Variants in ATP2C2 observed in about 807,000 individuals in gnomAD.
The protein encoded by ATP2C2 is ATPase secretory pathway Ca2+ transporting 2.
ATP2C2 carries 171 observed loss-of-function variants against 110.8 expected under a neutral mutation model. The observed-to-expected ratio is 1.54, with a 90% CI of 1.36 to 1.75. The LOEUF is 1.75. Ranked by LOEUF, ATP2C2 falls within the 40% of genes most tolerant of loss-of-function variation. ATP2C2 has a pLI of 0.00. For synonymous variants in ATP2C2, 804 were observed against 508.4 expected, an observed-to-expected ratio of 1.58 and a Z score of -7.82; for missense variants, 1,963 against 1,235.0, an observed-to-expected ratio of 1.59 and a Z score of -8.84.
In ATP2C2 at chr16:84,422,105, G is replaced by A. The variant is rs139873099; in HGVS notation, c.625-285G>A. 2.8e-3 allele frequency among the ~76,000 whole-genome samples: 427 copies of A among 152,262 alleles called. 2 individuals are homozygous for A. The highest frequency in any genetic ancestry group is 9.8e-3 in the African/African-American group (406 of 41,548). On this transcript the variant is annotated intron_variant, in intron 7 of 26. Transcript: ENST00000262429. ...GGGACTCACACAGGTGTTTTGAAAG[G>A]TATATCCTAAAATAGCCATCACCTT...
At chr16:84,396,932 G>C (rs971880312) in intron 1 of ATP2C2, among the ~76,000 whole-genome samples, 1 of 151,854 alleles carries the variant, frequency 6.6e-6, no homozygotes, top group Non-Finnish European at 1.5e-5. Flanking sequence ...AAGCAAATAG[G>C]CATTTGGGAG....
At chr16:84,412,338 A>ATGCGTGTGTC (rs1165638387) in intron 6 of ATP2C2, among the ~76,000 whole-genome samples, 1 of 115,564 alleles carries the variant, frequency 8.7e-6, no homozygotes, top group African/African-American at 3.3e-5. Context: ...GTGTGTCTGT[A>ATGCGTGTGTC]TGCGTGTGTC....
intron 1 of ATP2C2, among the ~76,000 whole-genome samples, chr16:84,394,945 G>A (rs1465679415): frequency 6.6e-6 from 1 of 152,150 alleles, no homozygotes; most frequent in Non-Finnish European, 1.5e-5. Context: ...TGGTTTTGCA[G>A]AGGCCACAGT....
rs547427873 is a variant in ATP2C2, at chr16:84,423,919, G to C, written c.919+656G>C. 2.6e-4 allele frequency among the ~76,000 whole-genome samples: 40 copies of C among 152,312 alleles called. No homozygotes were observed. In the South Asian group the frequency reaches 7.1e-3, roughly 27 times the overall value. ...ACATGATGCTGCGGTTCTGAATCTA[G>C]ATCTTAAGGCTTGACATCCCCATAG... On this transcript the variant is annotated intron_variant, in intron 10 of 26. Transcript: ENST00000262429.
At chr16:84,390,922 C>T (rs773807668) in intron 1 of ATP2C2, among the ~76,000 whole-genome samples, 16 of 151,798 alleles carry the variant, frequency 1.1e-4, no homozygotes, top group South Asian at 2.1e-4. Context: ...GAGACCAGCC[C>T]GGCCAACATG....
chr16:84,385,589 A>G (rs1904308240), intron 1 of ATP2C2, among the ~76,000 whole-genome samples: 1 of 152,248 alleles, frequency 6.6e-6, no homozygotes, highest in African/African-American at 2.4e-5. Flanking sequence ...TCATGCTGCT[A>G]TGAAGAAATA....
intron 10 of ATP2C2, among the ~76,000 whole-genome samples, chr16:84,424,929 C>T (rs562366138): frequency 6.6e-6 from 1 of 152,264 alleles, no homozygotes; most frequent in Admixed American, 6.5e-5. Context: ...CTCACTGCCT[C>T]ACCCCTATTT....
intron 1 of ATP2C2, among the ~76,000 whole-genome samples, chr16:84,376,436 T>C (rs76878658): frequency 0.015 from 2,265 of 152,252 alleles, 66 homozygotes; most frequent in African/African-American, 0.051. Flanking sequence ...TGGGTGAGTG[T>C]AGACCAAGTG....
chr16:84,430,659 T>C (rs1379262903), intron 11 of ATP2C2, among the ~76,000 whole-genome samples: 1 of 108,630 alleles, frequency 9.2e-6, no homozygotes, highest in African/African-American at 3.3e-5. Flanking sequence ...AAAAAAAAAG[T>C]CAGTTCTAGA....
In ATP2C2 at chr16:84,441,470, C is replaced by G. The variant is rs112908800; in HGVS notation, c.1311+512C>G. 1.8e-3 allele frequency among the ~76,000 whole-genome samples: 278 copies of G among 152,200 alleles called. 1 individual carries two copies. The highest frequency in any genetic ancestry group is 6.2e-3 in the African/African-American group (259 of 41,516). ...CTGTTGCTGTGATGAGTCCTGCGGT[C>G]CGAGCTGTACTCACCCTTTCACAGG... is the stretch of plus-strand genomic sequence containing the variant. On this transcript the variant is annotated intron_variant, in intron 14 of 26. Coordinates refer to ENST00000262429, the MANE Select transcript of ATP2C2 (RefSeq NM_014861.4).
At chr16:84,458,962 A>G (rs897075824) in intron 21 of ATP2C2, among the ~76,000 whole-genome samples, 158 bp from the exon 22 acceptor site, 4 of 152,162 alleles carry the variant, frequency 2.6e-5, no homozygotes, top group African/African-American at 4.8e-5. Flanking sequence ...ACCGTCTCCT[A>G]CAAATGTGTC....
chr16:84,442,288 G>A (rs1371266005), intron 14 of ATP2C2, among the ~76,000 whole-genome samples: 1 of 152,110 alleles, frequency 6.6e-6, no homozygotes, highest in African/African-American at 2.4e-5. Flanking sequence ...CCGTGCACCT[G>A]CCTCCCTGCT....
intron 1 of ATP2C2, among the ~76,000 whole-genome samples, chr16:84,393,741 G>T (rs868064516): frequency 7.9e-5 from 12 of 151,336 alleles, no homozygotes; most frequent in Non-Finnish European, 1.3e-4. Flanking sequence ...GAGGCTATGG[G>T]TGTGGGGGGA....
intron 1 of ATP2C2, among the ~76,000 whole-genome samples, chr16:84,396,475 G>GGGA (rs1401582255): frequency 6.7e-6 from 1 of 150,370 alleles, no homozygotes; most frequent in Non-Finnish European, 1.5e-5. Context: ...GCTTGAACCC[G>GGGA]GGAGGAGGAG....
At chr16:84,371,858 A>G (rs1332792203) in intron 1 of ATP2C2, among the ~76,000 whole-genome samples, 3 of 152,174 alleles carry the variant, frequency 2.0e-5, no homozygotes, top group African/African-American at 4.8e-5. Context: ...AGTGAGTGCT[A>G]CCAGCTGGAG....
intron 1 of ATP2C2, among the ~76,000 whole-genome samples, chr16:84,381,923 G>T (rs1403744611): frequency 6.6e-6 from 1 of 152,198 alleles, no homozygotes; most frequent in African/African-American, 2.4e-5. Flanking sequence ...TTGGGCCCAG[G>T]GCGGCCTGAA....
intron 1 of ATP2C2, among the ~76,000 whole-genome samples, chr16:84,388,336 A>G (rs1286809155): frequency 1.3e-5 from 2 of 151,314 alleles, no homozygotes; most frequent in Admixed American, 1.3e-4. Flanking sequence ...AAAAAAAAAG[A>G]AAGAAAAACT....
rs1909775239 is a variant in ATP2C2 at position 84,368,723 on chromosome 16, C to T, written c.99+9C>T. On this transcript the variant is annotated intron_variant, in intron 1 of 26. Transcript: ENST00000262429. ...ACGAAGAGGAAGCCTTGGTGAGTCCCCGCGACTCCGCGCCGGGCGTGCGAC... is the reference window on the plus strand; with the variant it reads ...ACGAAGAGGAAGCCTTGGTGAGTCCTCGCGACTCCGCGCCGGGCGTGCGAC... 3 of 1,513,096 alleles carry T rather than the reference C, an allele frequency of 2.0e-6. No homozygotes were observed. The highest frequency in any genetic ancestry group is 2.7e-6 in the Non-Finnish European group (3 of 1,131,516). 93.7% of individuals were successfully genotyped at this position (1,513,096 alleles called of 1,614,324 possible).
At chr16:84,442,489 G>A (rs1296846198) in intron 14 of ATP2C2, 21 bp from the exon 15 acceptor site, 1 of 1,613,142 alleles carries the variant, frequency 6.2e-7, no homozygotes, top group Non-Finnish European at 8.5e-7. Context: ...AACTACAGAT[G>A]TCCGGACAAT....
Sources: allele counts gnomAD v4.1 joint callset (sites outside exome capture counted in the v4.1 genomes callset), GRCh38; gene constraint gnomAD v4.1.1; transcripts MANE v1.5; gene names NCBI Gene and HGNC (gene_info 2026-07-23, HGNC 2026-07-21).